Variants in CNTN6 observed in about 807,000 individuals in gnomAD.
CNTN6 encodes contactin-6.
Under a neutral mutation model 122.8 loss-of-function variants are expected in CNTN6, and 137 were observed. That is an observed-to-expected ratio of 1.12 (90% CI 0.97 to 1.29). CNTN6 has a LOEUF of 1.29. Ranked by LOEUF, CNTN6 falls within the 50% of genes most tolerant of loss-of-function variation. The pLI, the probability that CNTN6 is intolerant of heterozygous loss-of-function variation, is 0.00. For synonymous variants in CNTN6, 570 were observed against 426.0 expected, an observed-to-expected ratio of 1.34 and a Z score of -4.16; for missense variants, 1,634 against 1,223.4, an observed-to-expected ratio of 1.34 and a Z score of -5.01.
At chr3:1,320,657 T>A (rs1032900568) in intron 7 of CNTN6, among the ~76,000 whole-genome samples, 1 of 151,746 alleles carries the variant, frequency 6.6e-6, no homozygotes, top group African/African-American at 2.4e-5. Flanking sequence ...GAATGAAGAA[T>A]GACTTGACAA....
At chr3:1,289,965 C>A (rs946733566) in intron 5 of CNTN6, among the ~76,000 whole-genome samples, 2 of 152,080 alleles carry the variant, frequency 1.3e-5, no homozygotes, top group Non-Finnish European at 2.9e-5. Context: ...TGAGCCAATG[C>A]GCCCGGCGAG....
At chr3:1,382,366 C>T (rs1000185642) in intron 17 of CNTN6, among the ~76,000 whole-genome samples, 1 of 152,084 alleles carries the variant, frequency 6.6e-6, no homozygotes, top group African/African-American at 2.4e-5. Flanking sequence ...TGAGAGTTAA[C>T]AGTTTATTCT....
chr3:1,213,135 A>G (rs995576758), intron 2 of CNTN6, among the ~76,000 whole-genome samples: 2 of 152,148 alleles, frequency 1.3e-5, no homozygotes, highest in East Asian at 3.9e-4. Flanking sequence ...TTTTTTGAAA[A>G]CCACTAATCA....
intron 2 of CNTN6, among the ~76,000 whole-genome samples, chr3:1,173,480 A>C (rs1157920970): frequency 2.0e-5 from 3 of 152,228 alleles, no homozygotes; most frequent in Non-Finnish European, 4.4e-5. Flanking sequence ...AAGGCAACTA[A>C]TTAAGATAAG....
chr3:1,371,663 T>G (rs1020618040), intron 12 of CNTN6, among the ~76,000 whole-genome samples: 6 of 152,144 alleles, frequency 3.9e-5, no homozygotes, highest in African/African-American at 9.7e-5. Flanking sequence ...AAAGAAAGAT[T>G]GACATAGAGA....
chr3:1,286,778 T>C (rs1321804128), intron 5 of CNTN6, among the ~76,000 whole-genome samples: 1 of 152,138 alleles, frequency 6.6e-6, no homozygotes, highest in Non-Finnish European at 1.5e-5. Context: ...CTGTATTCAG[T>C]ATCTCACATG....
chr3:1,350,676 T>A (rs1705482498), intron 11 of CNTN6, among the ~76,000 whole-genome samples: 1 of 151,752 alleles, frequency 6.6e-6, no homozygotes, highest in African/African-American at 2.4e-5. Context: ...TTATATGAAA[T>A]ATAGACATTG....
chr3:1,208,440 CAT>C (rs2093987492), intron 2 of CNTN6, among the ~76,000 whole-genome samples: 2 of 152,112 alleles, frequency 1.3e-5, no homozygotes, highest in Admixed American at 1.3e-4. Context: ...TTCTTTTACA[CAT>C]AGTTCAAATG....
At chr3:1,243,321 C>G (rs1363325262) in intron 4 of CNTN6, among the ~76,000 whole-genome samples, 1 of 152,158 alleles carries the variant, frequency 6.6e-6, no homozygotes, top group African/African-American at 2.4e-5. Flanking sequence ...TGCTGCGGTT[C>G]AGGTGTTTGG....
chr3:1,244,321 T>A (rs538029271), intron 4 of CNTN6, among the ~76,000 whole-genome samples: 2 of 152,034 alleles, frequency 1.3e-5, no homozygotes, highest in African/African-American at 4.8e-5. Context: ...TTGGGGGTTC[T>A]TGCCTCCTAG....
intron 5 of CNTN6, among the ~76,000 whole-genome samples, chr3:1,279,083 G>C (rs1559690995): frequency 1.3e-5 from 2 of 152,162 alleles, no homozygotes; most frequent in Non-Finnish European, 2.9e-5. Context: ...TACCGGAAGG[G>C]ATAGATCACC....
chr3:1,258,937 A>T (rs2094802248), intron 4 of CNTN6, among the ~76,000 whole-genome samples: 1 of 152,098 alleles, frequency 6.6e-6, no homozygotes, highest in Non-Finnish European at 1.5e-5. Flanking sequence ...CAGATAGTAA[A>T]TATGTTTGAT....
intron 2 of CNTN6, among the ~76,000 whole-genome samples, chr3:1,171,886 C>T (rs1029031436): frequency 2.0e-5 from 3 of 152,128 alleles, no homozygotes; most frequent in Non-Finnish European, 2.9e-5. Flanking sequence ...GCATTACAGG[C>T]GTGAGCTACC....
At position 1,291,523 on chromosome 3, in the gene CNTN6, C is replaced by T. The variant is rs1479747565; in HGVS notation, c.455-4078C>T. ...CAGAGAGCTAAAGCGTATTTCTCTCCACAAATAGGCATTGAATAAGGATCC... is the reference window on the plus strand; with the variant it reads ...CAGAGAGCTAAAGCGTATTTCTCTCTACAAATAGGCATTGAATAAGGATCC... On this transcript the variant is annotated intron_variant, in intron 5 of 22. Coordinates refer to ENST00000446702, the MANE Select transcript of CNTN6 (RefSeq NM_001289080.2). Among the ~76,000 whole-genome samples, 5 of 152,246 alleles carry T rather than the reference C, an allele frequency of 3.3e-5. No homozygotes were observed. The East Asian group carries it at 7.7e-4, about 24-fold the overall frequency.
intron 1 of CNTN6, among the ~76,000 whole-genome samples, chr3:1,100,886 A>G (rs547245906): frequency 4.6e-4 from 70 of 152,228 alleles, no homozygotes; most frequent in African/African-American, 1.6e-3. Flanking sequence ...TTTAATTTTT[A>G]GAGTCAAATT....
intron 10 of CNTN6, 143 bp from the exon 11 acceptor site, chr3:1,329,642 G>C: frequency 5.0e-6 from 3 of 594,874 alleles, no homozygotes; most frequent in Non-Finnish European, 2.8e-6. Flanking sequence ...TCAGTATTTG[G>C]TCCAAGAACA....
At chr3:1,382,729 A>G (rs1337844219) in intron 17 of CNTN6, among the ~76,000 whole-genome samples, 1 of 152,194 alleles carries the variant, frequency 6.6e-6, no homozygotes, top group Non-Finnish European at 1.5e-5. Context: ...TTATATTTCT[A>G]TCTGAAAACT....
intron 20 of CNTN6, among the ~76,000 whole-genome samples, chr3:1,388,560 G>A (rs1450369077): frequency 1.3e-4 from 19 of 150,984 alleles, no homozygotes; most frequent in South Asian, 6.3e-4. Flanking sequence ...AAAGCTGGAC[G>A]GAGAATGACT....
intron 1 of CNTN6, among the ~76,000 whole-genome samples, chr3:1,095,893 C>T (rs1018259448): frequency 2.0e-5 from 3 of 152,076 alleles, no homozygotes; most frequent in African/African-American, 7.2e-5. Context: ...AGGAATTATC[C>T]TTTATCAACA....
Sources: gnomAD v4.1 joint callset for allele counts (sites outside exome capture counted in the v4.1 genomes callset) on GRCh38, gnomAD v4.1.1 for gene constraint, MANE v1.5 for transcripts, NCBI Gene and HGNC (gene_info 2026-07-23, HGNC 2026-07-21) for gene names.